The following CFAP20DC variants were observed in gnomAD, a reference collection of about 807,000 sequenced individuals.
CFAP20DC encodes CFAP20 domain containing.
Under a neutral mutation model 101.7 loss-of-function variants are expected in CFAP20DC, and 84 were observed. The observed-to-expected ratio is 0.83, with a 90% CI of 0.69 to 0.99. The LOEUF (loss-of-function observed/expected upper bound fraction) is 0.99. CFAP20DC is among the 50% of genes least tolerant of loss of function. CFAP20DC has a pLI of 0.00. For missense variants in CFAP20DC, 1,007 were observed against 970.3 expected (o/e 1.04, Z -0.50); for synonymous variants, 359 against 351.2 (o/e 1.02, Z -0.25).
At chr3:58,860,466 C>T (rs1481825654) in intron 12 of CFAP20DC, among the ~76,000 whole-genome samples, 4 of 152,152 alleles carry the variant, frequency 2.6e-5, no homozygotes, top group Non-Finnish European at 5.9e-5. Flanking sequence ...CTGAACACTA[C>T]AGGTAGTCAG....
intron 15 of CFAP20DC, among the ~76,000 whole-genome samples, chr3:58,759,788 G>A (rs1167123627): frequency 6.6e-6 from 1 of 152,200 alleles, no homozygotes; most frequent in Non-Finnish European, 1.5e-5. Context: ...TTCTTAAATA[G>A]GTAATCCTTT....
intron 5 of CFAP20DC, among the ~76,000 whole-genome samples, chr3:58,928,606 T>C (rs1194787360): frequency 2.0e-5 from 3 of 152,234 alleles, no homozygotes; most frequent in Non-Finnish European, 4.4e-5. Context: ...ATATGTTATA[T>C]ATGTAATAAA....
chr3:58,749,161 G>A (rs1575542644), intron 16 of CFAP20DC, among the ~76,000 whole-genome samples: 1 of 152,132 alleles, frequency 6.6e-6, no homozygotes, highest in East Asian at 1.9e-4. Context: ...ATGGCCAGTA[G>A]AGTCACTCAT....
At chr3:58,727,023 C>T (rs2067563052) in intron 3 of CFAP20DC, 2 of 255,678 alleles carry the variant, frequency 7.8e-6, no homozygotes, top group Non-Finnish European at 1.6e-5. Flanking sequence ...CTTCCACTCA[C>T]ACCATCAGAA....
chr3:58,931,589 G>C (rs547683971), intron 5 of CFAP20DC, among the ~76,000 whole-genome samples: 1 of 152,162 alleles, frequency 6.6e-6, no homozygotes, highest in African/African-American at 2.4e-5. Flanking sequence ...CCAGAGGAAC[G>C]ATCAGACAGC....
At chr3:58,922,515 T>C (rs1305905887) in intron 5 of CFAP20DC, among the ~76,000 whole-genome samples, 1 of 152,186 alleles carries the variant, frequency 6.6e-6, no homozygotes, top group East Asian at 1.9e-4. Context: ...TTCTCACTCT[T>C]AGTTCTCATG....
intron 5 of CFAP20DC, among the ~76,000 whole-genome samples, chr3:58,936,231 C>G (rs1387939755): frequency 6.6e-6 from 1 of 152,056 alleles, no homozygotes; most frequent in Non-Finnish European, 1.5e-5. Context: ...GAGATACCAT[C>G]TCACACCAGT....
chr3:58,827,290 C>G (rs929162297), intron 14 of CFAP20DC, among the ~76,000 whole-genome samples: 9 of 151,896 alleles, frequency 5.9e-5, no homozygotes, highest in Admixed American at 5.9e-4. Context: ...GAGCCATTTT[C>G]TAAATAGAGA....
At chr3:59,021,831 C>T (rs1451521291) in intron 4 of CFAP20DC, among the ~76,000 whole-genome samples, 2 of 151,984 alleles carry the variant, frequency 1.3e-5, no homozygotes, top group Non-Finnish European at 1.5e-5. Context: ...GAGAGAGAGA[C>T]CTGTTGACAA....
intron 16 of CFAP20DC, among the ~76,000 whole-genome samples, chr3:58,747,111 T>G (rs1269321135): frequency 2.0e-5 from 3 of 152,224 alleles, no homozygotes; most frequent in African/African-American, 7.2e-5. Flanking sequence ...AAAACCATTT[T>G]CTGCTACTAG....
At chr3:59,024,503 G>A (rs1461877120) in intron 4 of CFAP20DC, among the ~76,000 whole-genome samples, 1 of 152,136 alleles carries the variant, frequency 6.6e-6, no homozygotes, top group Non-Finnish European at 1.5e-5. Flanking sequence ...TAACAGACAT[G>A]TGTAAGTGCT....
intron 7 of CFAP20DC, among the ~76,000 whole-genome samples, chr3:58,875,188 T>A (rs988953496): frequency 3.3e-5 from 5 of 152,228 alleles, no homozygotes; most frequent in Non-Finnish European, 7.3e-5. Context: ...CTATTTGGAT[T>A]ACACATGAAA....
At chr3:59,020,071 G>GT (rs1199322987) in intron 4 of CFAP20DC, among the ~76,000 whole-genome samples, 1 of 151,982 alleles carries the variant, frequency 6.6e-6, no homozygotes, top group African/African-American at 2.4e-5. Context: ...AATTATTTTT[G>GT]TAAGTATAAT....
chr3:58,742,308 G>T lies in CFAP20DC; in HGVS notation c.*152C>A. ...CAAAAGGAATATAGGTATTCTTAAC[G>T]TTGAACATTATTTACAAAATGAATT... On this transcript the variant is annotated 3_prime_UTR_variant, in exon 17 of 17. Transcript: ENST00000482387. The T allele has an allele frequency of 8.0e-7, 1 of 1,243,310 alleles. No individual in the cohort carries two copies. Among genetic ancestry groups the T allele is most frequent in the Non-Finnish European group, 1.0e-6 (1 of 987,288 alleles). The allele number at this position is 1,243,310 out of a possible 1,614,324, so 77.0% of individuals were successfully genotyped here.
intron 5 of CFAP20DC, among the ~76,000 whole-genome samples, chr3:58,924,116 C>A (rs2085689159): frequency 6.6e-6 from 1 of 152,004 alleles, no homozygotes; most frequent in African/African-American, 2.4e-5. Flanking sequence ...GGGTACACAT[C>A]CAGATTTGTT....
intron 4 of CFAP20DC, among the ~76,000 whole-genome samples, chr3:59,028,226 A>C (rs1228670518): frequency 6.6e-6 from 1 of 152,242 alleles, no homozygotes; most frequent in African/African-American, 2.4e-5. Context: ...TAAAGAAAAA[A>C]GAGGAATCAA....
intron 6 of CFAP20DC, among the ~76,000 whole-genome samples, chr3:58,910,546 CTCTT>C (rs1389011885): frequency 6.6e-6 from 1 of 152,048 alleles, no homozygotes; most frequent in Non-Finnish European, 1.5e-5. Context: ...AAAGGATCTT[CTCTT>C]TATCTTTCCT....
At chr3:58,772,557 CAAGT>C (rs1018694592) in intron 15 of CFAP20DC, among the ~76,000 whole-genome samples, 4 of 151,956 alleles carry the variant, frequency 2.6e-5, no homozygotes, top group Non-Finnish European at 4.4e-5. Context: ...ACCTTTTGAC[CAAGT>C]AATTCCACTG....
intron 4 of CFAP20DC, among the ~76,000 whole-genome samples, chr3:58,975,838 G>C (rs1295735597): frequency 6.6e-6 from 1 of 151,808 alleles, no homozygotes; most frequent in Non-Finnish European, 1.5e-5. Flanking sequence ...AAGGAACAGG[G>C]AGTAGCTCTG....
Sources: gnomAD v4.1 joint callset for allele counts (sites outside exome capture counted in the v4.1 genomes callset) on GRCh38, gnomAD v4.1.1 for gene constraint, MANE v1.5 for transcripts, NCBI Gene and HGNC (gene_info 2026-07-23, HGNC 2026-07-21) for gene names.